PPARGC1A: variants seen among roughly 807,000 people sequenced by gnomAD.
The protein encoded by PPARGC1A is PPARG coactivator 1 alpha.
Under a neutral mutation model 88.7 loss-of-function variants are expected in PPARGC1A, and 25 were observed. The ratio of observed to expected loss-of-function variants is 0.28; its 90% CI spans 0.21 to 0.39. The LOEUF (loss-of-function observed/expected upper bound fraction) is 0.39. PPARGC1A is among the 10% of genes least tolerant of loss of function. The probability of loss-of-function intolerance (pLI) is 1.00; values close to 1 mark genes in which losing one functional copy is unlikely to be tolerated. For synonymous variants in PPARGC1A, 363 were observed against 355.6 expected, an observed-to-expected ratio of 1.02 and a Z score of -0.24; for missense variants, 880 against 968.7, an observed-to-expected ratio of 0.91 and a Z score of 1.22.
At chr4:23,893,547 A>G (rs1200431660), upstream of PPARGC1A, among the ~76,000 whole-genome samples, 5 of 152,190 alleles carry the variant, frequency 3.3e-5, no homozygotes, top group Non-Finnish European at 7.3e-5. Flanking sequence ...GATCATACAT[A>G]TTATAAGAGA....
Position 23,831,694 on chromosome 4 carries a change from T to G in PPARGC1A, c.292A>C (p.Ser98Arg), listed in dbSNP as rs754095698. Residue 98 changes from serine (S) to arginine (R), a missense_variant, in exon 3 of 13, where the codon AGT becomes CGT. Physicochemically the swap from Ser to Arg is moderately radical, Grantham distance 110. Transcript: ENST00000264867. Reference sequence around the variant, plus strand: ...AATCCGTCTTCATCCACAGGGAGACTGTCTAGTGTCTCTGTGAGGACTGCT... The same window carrying G: ...AATCCGTCTTCATCCACAGGGAGACGGTCTAGTGTCTCTGTGAGGACTGCT... Reference protein sequence around the residue: ...LLAVLTETLDSLPVDEDGLPS... With the variant: ...LLAVLTETLDRLPVDEDGLPS... 1 of 1,613,946 alleles carries G rather than the reference T, an allele frequency of 6.2e-7. No homozygotes were observed. Among genetic ancestry groups the G allele is most frequent in the Non-Finnish European group, 8.5e-7 (1 of 1,179,816 alleles).
the PPARGC1A span, among the ~76,000 whole-genome samples, chr4:24,117,391 G>A: frequency 6.6e-6 from 1 of 152,090 alleles, no homozygotes; most frequent in Non-Finnish European, 1.5e-5. Flanking sequence ...TAAGGTTGCT[G>A]GATGATGCTG....
the PPARGC1A span, among the ~76,000 whole-genome samples, chr4:24,262,541 C>T: frequency 2.0e-5 from 3 of 152,156 alleles, no homozygotes; most frequent in South Asian, 2.1e-4. Context: ...TTGCTCTTAC[C>T]TATGCACCAG....
chr4:24,025,274 T>A, the PPARGC1A span, among the ~76,000 whole-genome samples: 1 of 152,276 alleles, frequency 6.6e-6, no homozygotes, highest in South Asian at 2.1e-4. Context: ...AATAGAGAGA[T>A]GCCTCTGTGT....
the PPARGC1A span, among the ~76,000 whole-genome samples, chr4:24,173,605 C>G: frequency 6.6e-6 from 1 of 152,178 alleles, no homozygotes; most frequent in African/African-American, 2.4e-5. Flanking sequence ...GAGACTACAT[C>G]TGAACCCAGC....
chr4:23,925,884 A>T, the PPARGC1A span, among the ~76,000 whole-genome samples: 1 of 152,210 alleles, frequency 6.6e-6, no homozygotes, highest in East Asian at 1.9e-4. Flanking sequence ...AGAAACTTCT[A>T]GTCAAGGCAG....
At chr4:23,828,301 A>T in intron 5 of PPARGC1A, 99 bp downstream of exon 5, 1 of 1,253,966 alleles carries the variant, frequency 8.0e-7, no homozygotes, top group East Asian at 2.3e-5. Context: ...AGTGACGCTG[A>T]TGGGACGGAA....
the PPARGC1A span, among the ~76,000 whole-genome samples, chr4:24,186,466 C>T: frequency 3.9e-5 from 6 of 152,206 alleles, 1 homozygote; most frequent in African/African-American, 1.4e-4. Flanking sequence ...ATCCTGACTG[C>T]GTGACCTTGG....
At chr4:24,349,227 G>A in the PPARGC1A span, among the ~76,000 whole-genome samples, 3 of 152,192 alleles carry the variant, frequency 2.0e-5, no homozygotes, top group African/African-American at 4.8e-5. Flanking sequence ...GACTCCATGA[G>A]GGTCCTTAGC....
At chr4:24,047,234 GATTT>G in the PPARGC1A span, among the ~76,000 whole-genome samples, 7 of 152,240 alleles carry the variant, frequency 4.6e-5, no homozygotes, top group Admixed American at 4.6e-4. Flanking sequence ...CTATTTGCCT[GATTT>G]ATTTTTCTTT....
the PPARGC1A span, among the ~76,000 whole-genome samples, chr4:24,047,024 C>T: frequency 6.6e-6 from 1 of 152,128 alleles, no homozygotes; most frequent in Non-Finnish European, 1.5e-5. Flanking sequence ...GCTGCAAGCC[C>T]ACTCTGACTG....
chr4:23,961,550 A>G, the PPARGC1A span, among the ~76,000 whole-genome samples: 1 of 152,144 alleles, frequency 6.6e-6, no homozygotes, highest in Non-Finnish European at 1.5e-5. Context: ...AGAGCAACCC[A>G]TAACAACCAG....
the PPARGC1A span, among the ~76,000 whole-genome samples, chr4:24,084,608 T>G: frequency 1.3e-5 from 2 of 152,204 alleles, no homozygotes; most frequent in Non-Finnish European, 2.9e-5. Context: ...GTCTTCAGCC[T>G]TTTGGACTTG....
chr4:23,959,017 CA>C, the PPARGC1A span, among the ~76,000 whole-genome samples: 88,231 of 138,646 alleles, frequency 0.64, 27,796 homozygotes, highest in Non-Finnish European at 0.71. Context: ...TTTACCAAAC[CA>C]AAAAAAAAAA....
chr4:24,244,470 G>T, the PPARGC1A span, among the ~76,000 whole-genome samples: 1 of 152,132 alleles, frequency 6.6e-6, no homozygotes, highest in African/African-American at 2.4e-5. Flanking sequence ...GCTTAGAAAG[G>T]CTAACTACCT....
chr4:24,200,655 C>CAAAAAA, the PPARGC1A span, among the ~76,000 whole-genome samples: 6 of 88,358 alleles, frequency 6.8e-5, no homozygotes, highest in Admixed American at 1.7e-4. Flanking sequence ...ATTTATTAAG[C>CAAAAAA]AAAAAAAAAA....
At chr4:24,121,390 T>A in the PPARGC1A span, among the ~76,000 whole-genome samples, 895 of 152,272 alleles carry the variant, frequency 5.9e-3, 13 homozygotes, top group African/African-American at 0.02. Context: ...AGGGTCTCCA[T>A]CTGGTCTTTC....
At chr4:23,952,764 C>T in the PPARGC1A span, among the ~76,000 whole-genome samples, 44,208 of 151,894 alleles carry the variant, frequency 0.29, 6,723 homozygotes, top group East Asian at 0.41. Context: ...TTATTAGTTT[C>T]ACGCCAAGTC....
chr4:24,322,849 G>A, the PPARGC1A span, among the ~76,000 whole-genome samples: 1 of 152,216 alleles, frequency 6.6e-6, no homozygotes, highest in East Asian at 1.9e-4. Flanking sequence ...ATGATTGGCT[G>A]CACTCTCCAC....
Sources: allele counts gnomAD v4.1 joint callset (sites outside exome capture counted in the v4.1 genomes callset), GRCh38; gene constraint gnomAD v4.1.1; transcripts MANE v1.5; gene names NCBI Gene and HGNC (gene_info 2026-07-23, HGNC 2026-07-21).